MCTP2: variants seen among roughly 807,000 people sequenced by gnomAD.
MCTP2 encodes multiple C2 and transmembrane domain containing 2, also known as multiple C2 and transmembrane domain-containing protein 2.
In MCTP2, 132 loss-of-function variants were observed where a neutral mutation model predicts 111.6. That is an observed-to-expected ratio of 1.18 (90% CI 1.03 to 1.37). The LOEUF is 1.37. Ranked by LOEUF, MCTP2 falls within the 40% of genes most tolerant of loss-of-function variation. The pLI, the probability that MCTP2 is intolerant of heterozygous loss-of-function variation, is 0.00. For missense variants in MCTP2, 1,183 were observed against 1,067.9 expected, an observed-to-expected ratio of 1.11 and a Z score of -1.50; for synonymous variants, 395 against 387.7, an observed-to-expected ratio of 1.02 and a Z score of -0.22.
In MCTP2 at chr15:94,476,747, A is replaced by G. The variant is rs1242124982; in HGVS notation, c.2522A>G (p.Asn841Ser). Residue 841 changes from asparagine (N) to serine (S), a missense_variant, in exon 22 of 23, where the codon AAT (asparagine) becomes AGT (serine). Asn to Ser is a conservative substitution (Grantham distance 46). Transcript: ENST00000357742. Reference protein sequence around the residue: ...KLRNPYSIDNNELLDFLSRVP... With the variant: ...KLRNPYSIDNSELLDFLSRVP... ...CGAAATCCCTATTCCATCGACAATA[A>G]TGAGCTACTAGACTTCCTCTCTAGG... The G allele has an allele frequency of 2.5e-6, 4 of 1,610,358 alleles. No homozygotes were observed. The highest frequency in any genetic ancestry group is 1.7e-5 in the Admixed American group (1 of 60,008).
At chr15:94,245,362 ATATTTACATACATATGTATATG>A (rs2071802687) in intron 1 of MCTP2, among the ~76,000 whole-genome samples, 1 of 138,944 alleles carries the variant, frequency 7.2e-6, no homozygotes, top group East Asian at 2.1e-4. Context: ...ATATGTATAT[ATATTTACATACATATGTATATG>A]TATTTATATA....
At chr15:94,303,103 A>ATATATATATAGTTTATATAGTT (rs1555448642) in intron 2 of MCTP2, among the ~76,000 whole-genome samples, 1,349 of 19,934 alleles carry the variant, frequency 0.068, 6 homozygotes, top group Middle Eastern at 0.12. Context: ...TATATAGTTT[A>ATATATATATAGTTTATATAGTT]TATATATATA....
At chr15:94,456,083 TCA>T (rs2084818929) in intron 19 of MCTP2, among the ~76,000 whole-genome samples, 2 of 152,206 alleles carry the variant, frequency 1.3e-5, no homozygotes, top group African/African-American at 4.8e-5. Context: ...AACCAAGTTA[TCA>T]GTCATCAATA....
In MCTP2 at chr15:94,338,187, G is replaced by A. The variant is rs76006191; in HGVS notation, c.638-1103G>A. On this transcript the variant is annotated intron_variant, in intron 4 of 22. Transcript: ENST00000357742. The stretch of plus-strand genomic sequence containing the variant: ...ATTCTGGGGGCCTATCTTGGGTACT[G>A]TCCAAGGCACAGGGGAGATACCAGT... 2.9e-4 allele frequency among the ~76,000 whole-genome samples: 44 copies of A among 152,288 alleles called. No individual in the cohort carries two copies. The East Asian group carries it at 8.1e-3, about 28-fold the overall frequency.
rs780960623 is a variant in MCTP2, at chr15:94,340,203, A to G, written c.785A>G (p.Tyr262Cys). ...TGACCTCTGTCCTCTTTGTAGGTATATGATCGAGATTTAACCACATCTGAT... is the reference window on the plus strand; with the variant it reads ...TGACCTCTGTCCTCTTTGTAGGTATGTGATCGAGATTTAACCACATCTGAT... ...SLDQKLRVKVYDRDLTTSDFM... is the reference protein window; with the variant it reads ...SLDQKLRVKVCDRDLTTSDFM... The change falls in exon 6 of 23, where the codon TAT becomes TGT. Residue 262 changes from tyrosine to cysteine, a missense_variant. Physicochemically the swap from Tyr to Cys is radical, Grantham distance 194. Transcript: ENST00000357742. 2.5e-6 allele frequency: 4 copies of G among 1,610,866 alleles called. No individual in the cohort carries two copies. Among genetic ancestry groups the G allele is most frequent in the Non-Finnish European group, 3.4e-6 (4 of 1,177,286 alleles).
At chr15:94,457,719 C>T (rs1299965107) in intron 19 of MCTP2, among the ~76,000 whole-genome samples, 2 of 152,334 alleles carry the variant, frequency 1.3e-5, no homozygotes, top group African/African-American at 4.8e-5. Flanking sequence ...CTACCTCTGT[C>T]TCCAACATGC....
chr15:94,483,208 A>G lies in MCTP2; in HGVS notation c.*4174A>G, dbSNP rs747830604. On this transcript the variant is annotated 3_prime_UTR_variant, in exon 23 of 23. Coordinates refer to ENST00000357742, the MANE Select transcript of MCTP2 (RefSeq NM_001385001.1). ...TCATGGGCTTGAGATGGAGTTAGCC[A>G]TATTCATTATTGAAAACTATGTTCT... The G allele has an allele frequency of 5.9e-5, 9 of 152,200 alleles. No homozygotes were observed. Among genetic ancestry groups the G allele is most frequent in the African/African-American group, 1.4e-4 (6 of 41,452 alleles). The allele number at this position is 152,200 out of a possible 1,614,324, so 9.4% of individuals were successfully genotyped here. A position where few individuals can be genotyped will look rare whatever the true frequency, so the allele number is the denominator to read the frequency against.
chr15:94,370,395 T>C (rs1426311643), intron 12 of MCTP2, among the ~76,000 whole-genome samples: 1 of 152,222 alleles, frequency 6.6e-6, no homozygotes, highest in Non-Finnish European at 1.5e-5. Context: ...TTTATGCTGA[T>C]TCAGTAATAT....
At chr15:94,285,201 G>A (rs927746058) in intron 1 of MCTP2, among the ~76,000 whole-genome samples, 35 of 152,208 alleles carry the variant, frequency 2.3e-4, no homozygotes, top group African/African-American at 6.5e-4. Flanking sequence ...CTGCATCAGT[G>A]AGTTTGACAA....
At chr15:94,359,143 G>T (rs903802693) in intron 10 of MCTP2, among the ~76,000 whole-genome samples, 1 of 152,056 alleles carries the variant, frequency 6.6e-6, no homozygotes, top group African/African-American at 2.4e-5. Flanking sequence ...TTCTTCCTAG[G>T]GTTGTAGTGA....
intron 14 of MCTP2, among the ~76,000 whole-genome samples, chr15:94,395,254 C>A (rs777316800): frequency 4.6e-5 from 7 of 152,190 alleles, no homozygotes; most frequent in Admixed American, 4.6e-4. Context: ...GTTATTTTCC[C>A]TTTTATGCAG....
intron 1 of MCTP2, among the ~76,000 whole-genome samples, chr15:94,278,661 G>T (rs1247522472): frequency 1.3e-5 from 2 of 152,016 alleles, no homozygotes; most frequent in African/African-American, 4.8e-5. Context: ...GGGGTTTGAT[G>T]TACTAATGGT....
chr15:94,426,821 C>A (rs1204215046), intron 17 of MCTP2, among the ~76,000 whole-genome samples: 2 of 152,120 alleles, frequency 1.3e-5, no homozygotes, highest in Admixed American at 6.5e-5. Context: ...TCACTCTGAT[C>A]CCATCAGAGA....
chr15:94,295,170 G>A (rs1178863894), intron 1 of MCTP2, among the ~76,000 whole-genome samples: 2 of 151,570 alleles, frequency 1.3e-5, no homozygotes, highest in Non-Finnish European at 2.9e-5. Context: ...GGCTGGTCTC[G>A]AACTCCTGAC....
intron 19 of MCTP2, among the ~76,000 whole-genome samples, chr15:94,454,826 T>TG (rs564415886): frequency 9.1e-4 from 138 of 152,206 alleles, no homozygotes; most frequent in African/African-American, 3.1e-3. Context: ...CTTTAGGTTA[T>TG]TTTTATTATT....
chr15:94,325,106 C>T (rs960986143), intron 4 of MCTP2, among the ~76,000 whole-genome samples: 2 of 152,076 alleles, frequency 1.3e-5, no homozygotes, highest in Admixed American at 6.5e-5. Context: ...CATGATGTGA[C>T]GTGCTGAAGA....
chr15:94,379,768 G>GATATATAATATATATAAT (rs1567573460), intron 12 of MCTP2, among the ~76,000 whole-genome samples: 11 of 144,488 alleles, frequency 7.6e-5, no homozygotes, highest in African/African-American at 2.5e-4. Flanking sequence ...TATAATATAT[G>GATATATAATATATATAAT]ATATGTAATA....
At chr15:94,250,749 G>A (rs2072357642) in intron 1 of MCTP2, among the ~76,000 whole-genome samples, 1 of 152,166 alleles carries the variant, frequency 6.6e-6, no homozygotes, top group South Asian at 2.1e-4. Flanking sequence ...TGATTTTTAT[G>A]CTACTTATAG....
chr15:94,249,724 A>G (rs911724133), intron 1 of MCTP2, among the ~76,000 whole-genome samples: 1 of 151,946 alleles, frequency 6.6e-6, no homozygotes, highest in Admixed American at 6.6e-5. Flanking sequence ...TGACCTCGTG[A>G]TCCACCCACC....
Sources: gnomAD v4.1 joint callset for allele counts (sites outside exome capture counted in the v4.1 genomes callset) on GRCh38, gnomAD v4.1.1 for gene constraint, MANE v1.5 for transcripts, NCBI Gene and HGNC (gene_info 2026-07-23, HGNC 2026-07-21) for gene names.